DGKB: variants seen among roughly 807,000 people sequenced by gnomAD.
The protein encoded by DGKB is diacylglycerol kinase beta.
A neutral mutation model predicts 114.3 loss-of-function variants in DGKB; 67 were observed. The ratio of observed to expected loss-of-function variants is 0.59; its 90% CI spans 0.48 to 0.72. DGKB has a LOEUF of 0.72. Among genes scored for constraint, DGKB ranks in the 30% least tolerant of loss-of-function variants. The pLI is 0.00. For missense variants in DGKB, 907 were observed against 975.2 expected, an observed-to-expected ratio of 0.93 and a Z score of 0.93; for synonymous variants, 398 against 323.1, an observed-to-expected ratio of 1.23 and a Z score of -2.49.
chr7:14,280,618 G>T (rs1474984422), intron 23 of DGKB, among the ~76,000 whole-genome samples: 1 of 151,070 alleles, frequency 6.6e-6, no homozygotes, highest in African/African-American at 2.4e-5. Context: ...GAGAAAGGTC[G>T]GGTTCCCCTC....
intron 21 of DGKB, among the ~76,000 whole-genome samples, chr7:14,351,873 G>A (rs994557558): frequency 2.6e-5 from 4 of 151,854 alleles, no homozygotes; most frequent in Admixed American, 6.6e-5. Context: ...GCTAAACTCA[G>A]GCTTTTTTGT....
At chr7:14,419,615 G>T in intron 21 of DGKB, among the ~76,000 whole-genome samples, 1 of 146,990 alleles carries the variant, frequency 6.8e-6, no homozygotes, top group East Asian at 2.1e-4. Context: ...GAAGATAAAT[G>T]CACTTAATTT....
intron 20 of DGKB, among the ~76,000 whole-genome samples, chr7:14,551,140 G>A (rs1354657491): frequency 6.6e-6 from 1 of 152,114 alleles, no homozygotes; most frequent in South Asian, 2.1e-4. Context: ...AGAATAAGAG[G>A]CTCTTAGTGA....
At chr7:14,170,144 AAAAAGAAAG>A (rs1402629422) in intron 25 of DGKB, among the ~76,000 whole-genome samples, 19 of 122,814 alleles carry the variant, frequency 1.5e-4, no homozygotes, top group African/African-American at 2.7e-4. Flanking sequence ...CAAAAAAAAA[AAAAAGAAAG>A]AAAGAAAGAA....
intron 17 of DGKB, among the ~76,000 whole-genome samples, chr7:14,591,255 G>A (rs758923927): frequency 5.9e-5 from 9 of 152,228 alleles, no homozygotes; most frequent in South Asian, 4.1e-4. Context: ...TTTGTACTGC[G>A]TATTGTACTT....
intron 6 of DGKB, among the ~76,000 whole-genome samples, chr7:14,703,638 G>C (rs902918185): frequency 1.3e-5 from 2 of 152,158 alleles, no homozygotes; most frequent in African/African-American, 4.8e-5. Context: ...CTGGTGATGG[G>C]AGGCGGCAGT....
intron 1 of DGKB, among the ~76,000 whole-genome samples, chr7:14,955,537 T>C (rs961506395): frequency 6.6e-6 from 1 of 152,060 alleles, no homozygotes; most frequent in Non-Finnish European, 1.5e-5. Context: ...CTCAGAAGAA[T>C]GTAGTCATCT....
chr7:14,904,219 T>TAC (rs10624589), upstream of DGKB, among the ~76,000 whole-genome samples: 53,006 of 150,732 alleles, frequency 0.35, 10,265 homozygotes, highest in East Asian at 0.82. Context: ...CCCTCCTAAA[T>TAC]ACACACACAC....
intron 20 of DGKB, among the ~76,000 whole-genome samples, chr7:14,541,951 A>T (rs1484395884): frequency 6.6e-6 from 1 of 152,122 alleles, no homozygotes; most frequent in Admixed American, 6.5e-5. Context: ...CAATTTCCTT[A>T]CATATCATCT....
intron 20 of DGKB, among the ~76,000 whole-genome samples, chr7:14,497,924 C>T (rs1785542282): frequency 1.3e-5 from 2 of 151,800 alleles, no homozygotes; most frequent in South Asian, 4.1e-4. Flanking sequence ...AAGGACAGCT[C>T]ATTTTCTAGC....
chr7:14,373,915 T>C (rs758149299), intron 21 of DGKB, among the ~76,000 whole-genome samples: 10 of 152,178 alleles, frequency 6.6e-5, no homozygotes, highest in Non-Finnish European at 1.3e-4. Context: ...TCCGCTGACA[T>C]AGTCAAGTGC....
chr7:14,260,974 A>C (rs1326995154), intron 23 of DGKB, among the ~76,000 whole-genome samples: 1 of 152,182 alleles, frequency 6.6e-6, no homozygotes, highest in Non-Finnish European at 1.5e-5. Context: ...AACACGCCTG[A>C]GATTTTATTC....
chr7:14,504,649 G>C (rs1339789691), intron 20 of DGKB, among the ~76,000 whole-genome samples: 1 of 152,044 alleles, frequency 6.6e-6, no homozygotes, highest in East Asian at 1.9e-4. Flanking sequence ...GTAGTCACAG[G>C]CATCAATAAG....
chr7:14,945,315 G>A (rs1785811982), intron 1 of DGKB, among the ~76,000 whole-genome samples: 1 of 151,820 alleles, frequency 6.6e-6, no homozygotes, highest in Admixed American at 6.6e-5. Context: ...GTGGAGGTGT[G>A]CTTGTCTTTG....
intron 1 of DGKB, among the ~76,000 whole-genome samples, chr7:14,889,579 G>T (rs1010232933): frequency 6.6e-6 from 1 of 151,478 alleles, no homozygotes; most frequent in African/African-American, 2.4e-5. Context: ...AACTGAAGTT[G>T]TGTATCCAGC....
Position 14,954,982 on chromosome 7 carries a change from T to C in DGKB, c.-188+19714A>G, listed in dbSNP as rs559885262. Among the ~76,000 whole-genome samples the C allele has an allele frequency of 8.6e-5, 13 of 152,024 alleles. No individual in the cohort carries two copies. The South Asian group carries it at 2.7e-3, about 32-fold the overall frequency. ...AACTGAGCCTGAACAAACTTCAACATTAAGAGATTTGGAAAAGGAAGAGTA... is the reference window on the plus strand; with the variant it reads ...AACTGAGCCTGAACAAACTTCAACACTAAGAGATTTGGAAAAGGAAGAGTA... On this transcript the variant is annotated intron_variant, in intron 1 of 4. Coordinates refer to the DGKB transcript ENST00000437998.
intron 20 of DGKB, among the ~76,000 whole-genome samples, chr7:14,481,862 G>C (rs1177341156): frequency 2.6e-5 from 4 of 151,926 alleles, no homozygotes; most frequent in African/African-American, 9.7e-5. Flanking sequence ...AAGATTTCCA[G>C]TAATATTTTT....
rs1802500850 is a variant in DGKB at position 14,296,062 on chromosome 7, A to G, written c.2122+42453T>C. ...CATTTTTTTTTTTTTTTCAGACAAG[A>G]ATCTCTGTCACCAGGCTTGAGTGCA... On this transcript the variant is annotated intron_variant, in intron 23 of 25. Transcript: ENST00000402815. Among the ~76,000 whole-genome samples the G allele has an allele frequency of 2.0e-5, 3 of 148,560 alleles. No individual in the cohort carries two copies. The South Asian group carries it at 6.4e-4, about 32-fold the overall frequency.
At position 14,176,896 on chromosome 7, in the gene DGKB, C is replaced by T. The variant is rs376468736; in HGVS notation, c.2247G>A (p.Thr749=). 19 of 1,613,122 alleles carry T rather than the reference C, an allele frequency of 1.2e-5. No individual in the cohort carries two copies. The highest frequency in any genetic ancestry group is 4.0e-5 in the African/African-American group (3 of 74,882). The change falls in exon 25 of 26, where the codon ACG becomes ACA. Residue 749 remains threonine, a synonymous_variant. Coordinates refer to ENST00000402815, the MANE Select transcript of DGKB (RefSeq NM_001350709.2). ...LAQCSCVVIR[T]SKSLPMQIDG... is the part of the protein sequence containing the mutation. ...CAATTTGCATTGGCAGAGACTTGCT[C>T]GTCCTGGGGGAAAATATTTCATTGT... is the stretch of plus-strand genomic sequence containing the variant.
Sources: gnomAD v4.1 joint callset for allele counts (sites outside exome capture counted in the v4.1 genomes callset) on GRCh38, gnomAD v4.1.1 for gene constraint, MANE v1.5 for transcripts, NCBI Gene and HGNC (gene_info 2026-07-23, HGNC 2026-07-21) for gene names.